SHLD2: variants seen among roughly 807,000 people sequenced by gnomAD.
SHLD2 encodes shieldin complex subunit 2, also known as RINN1-REV7-interacting novel NHEJ regulator 2.
Under a neutral mutation model 73.2 loss-of-function variants are expected in SHLD2, and 30 were observed. That is an observed-to-expected ratio of 0.41 (90% confidence interval 0.31 to 0.56). The LOEUF (loss-of-function observed/expected upper bound fraction) is 0.56. Ranked by LOEUF, SHLD2 falls within the 20% of genes least tolerant of loss-of-function variation. SHLD2 has a pLI of 0.28. For missense variants in SHLD2, 745 were observed against 1,055.9 expected, an observed-to-expected ratio of 0.71 and a Z score of 4.08; for synonymous variants, 285 against 370.1, an observed-to-expected ratio of 0.77 and a Z score of 2.64.
chr10:87,158,827 G>C (rs1846616049), intron 4 of SHLD2, among the ~76,000 whole-genome samples: 1 of 152,162 alleles, frequency 6.6e-6, no homozygotes, highest in Admixed American at 6.5e-5. Context: ...GATAGACCAG[G>C]ATTTGAATAC....
intron 2 of SHLD2, among the ~76,000 whole-genome samples, chr10:87,140,853 G>A (rs1362361747): frequency 6.6e-6 from 1 of 152,084 alleles, no homozygotes; most frequent in Non-Finnish European, 1.5e-5. Flanking sequence ...GCACTTGTCT[G>A]TAATCCCACT....
chr10:87,132,835 G>A (rs1199884299), intron 2 of SHLD2, among the ~76,000 whole-genome samples: 1 of 152,162 alleles, frequency 6.6e-6, no homozygotes, highest in Non-Finnish European at 1.5e-5. Context: ...TGGGGGTATA[G>A]AATCCTATCT....
intron 9 of SHLD2, among the ~76,000 whole-genome samples, chr10:87,188,957 A>T (rs1589686496): frequency 1.4e-5 from 2 of 141,752 alleles, no homozygotes. Context: ...GGCTATTTTC[A>T]TTCCTTTTCT....
chr10:87,162,711 C>CA (rs1056630516), intron 4 of SHLD2, among the ~76,000 whole-genome samples: 17 of 151,516 alleles, frequency 1.1e-4, no homozygotes, highest in Middle Eastern at 3.4e-3. Flanking sequence ...AGTCAGTTTT[C>CA]AAAAAAAGAT....
Position 87,155,617 on chromosome 10 carries a change from A to T in SHLD2, c.1526-2431A>T, listed in dbSNP as rs563686496. On this transcript the variant is annotated intron_variant, in intron 3 of 9. Transcript: ENST00000298786. Reference sequence around the variant, plus strand: ...AAAATTAAGTTTCCCAGACTGTAAAAGAGGGCTGGATCCTGGACCATGGTC... The same window carrying T: ...AAAATTAAGTTTCCCAGACTGTAAATGAGGGCTGGATCCTGGACCATGGTC... Among the ~76,000 whole-genome samples the T allele has an allele frequency of 2.6e-5, 4 of 151,804 alleles. No homozygotes were observed. The East Asian group carries it at 7.7e-4, about 29-fold the overall frequency.
chr10:87,159,366 A>G (rs949196274), intron 4 of SHLD2, among the ~76,000 whole-genome samples: 1 of 152,172 alleles, frequency 6.6e-6, no homozygotes, highest in African/African-American at 2.4e-5. Flanking sequence ...ATATATATTT[A>G]TTATGTGTTG....
intron 8 of SHLD2, among the ~76,000 whole-genome samples, chr10:87,183,712 C>T (rs1270587914): frequency 1.3e-5 from 2 of 152,176 alleles, no homozygotes; most frequent in African/African-American, 2.4e-5. Context: ...CAAAGTTACA[C>T]TTTTGATGTT....
chr10:87,134,023 C>T (rs920676904), intron 2 of SHLD2, among the ~76,000 whole-genome samples: 1 of 152,082 alleles, frequency 6.6e-6, no homozygotes, highest in Non-Finnish European at 1.5e-5. Flanking sequence ...AAGAGTAGAG[C>T]AGGATGAAGG....
Position 87,190,608 on chromosome 10 carries a change from T to C in SHLD2, c.2640T>C (p.Tyr880=), listed in dbSNP as rs564077313. ...QSLFVLDENS[Y]PLQQDFSLLD... is the part of the protein sequence containing the mutation. ...TTTTTGTGTTAGATGAAAACAGCTA[T>C]CCATTACAACAAGATTTCTCCCTCC... The change falls in exon 10 of 10, where the codon TAT becomes TAC. Residue 880 remains tyrosine (Y), a synonymous_variant. Coordinates refer to ENST00000298786, the MANE Select transcript of SHLD2 (RefSeq NM_001330112.2). 1.2e-6 allele frequency: 2 copies of C among 1,611,936 alleles called. No homozygotes were observed. Among genetic ancestry groups the C allele is most frequent in the African/African-American group, 2.7e-5 (2 of 74,964 alleles).
chr10:87,146,539 C>T (rs1845621876), intron 2 of SHLD2, among the ~76,000 whole-genome samples: 1 of 151,824 alleles, frequency 6.6e-6, no homozygotes, highest in South Asian at 2.1e-4. Context: ...AGTGATCTGC[C>T]CACCTTGGCC....
chr10:87,173,306 G>T (rs1405739083), intron 6 of SHLD2, among the ~76,000 whole-genome samples: 2 of 152,054 alleles, frequency 1.3e-5, no homozygotes. Context: ...GGGATTATAG[G>T]CATGAGCCAG....
intron 2 of SHLD2, among the ~76,000 whole-genome samples, chr10:87,144,148 C>T (rs1167900149): frequency 6.6e-6 from 1 of 152,040 alleles, no homozygotes; most frequent in Non-Finnish European, 1.5e-5. Flanking sequence ...CAGGCATGAC[C>T]CACTGCACCT....
At chr10:87,111,286 C>T (rs1016081686) in intron 2 of SHLD2, among the ~76,000 whole-genome samples, 1 of 152,184 alleles carries the variant, frequency 6.6e-6, no homozygotes, top group Admixed American at 6.5e-5. Context: ...CCTCAGCCTT[C>T]TGAGTAGCTG....
chr10:87,128,994 C>T (rs1332824895), intron 2 of SHLD2, among the ~76,000 whole-genome samples: 2 of 152,192 alleles, frequency 1.3e-5, no homozygotes, highest in South Asian at 4.1e-4. Context: ...CAACCTCCGC[C>T]TCCTGGGTTC....
At position 87,168,092 on chromosome 10, in the gene SHLD2, T is replaced by C. The variant is rs572110929; in HGVS notation, c.1634-2386T>C. ...GGGGTTTTCTCAAAGAAGTTAAAACTGAACTATGATTTGACCCAGCAATCC... is the reference window on the plus strand; with the variant it reads ...GGGGTTTTCTCAAAGAAGTTAAAACCGAACTATGATTTGACCCAGCAATCC... On this transcript the variant is annotated intron_variant, in intron 4 of 9. Transcript: ENST00000298786. Among the ~76,000 whole-genome samples, 1,492 of 152,324 alleles carry C rather than the reference T, an allele frequency of 9.8e-3. 12 individuals carry two copies. Among genetic ancestry groups the C allele is most frequent in the Admixed American group, 0.017 (260 of 15,308 alleles).
chr10:87,094,877 C>T (rs1841694710), upstream of SHLD2: 3 of 792,070 alleles, frequency 3.8e-6, no homozygotes, highest in African/African-American at 1.8e-5. The surrounding 1 kb of genome is among the most constrained non-coding windows in gnomAD (Gnocchi z 6.6). Context: ...TTTTAAGCCG[C>T]AGCTTCCTGC....
chr10:87,185,780 A>G (rs1848581233), intron 8 of SHLD2, among the ~76,000 whole-genome samples: 1 of 152,118 alleles, frequency 6.6e-6, no homozygotes, highest in South Asian at 2.1e-4. Flanking sequence ...ATTTTTTGGC[A>G]TGTGGATATC....
At chr10:87,108,189 A>C (rs1842719175) in intron 2 of SHLD2, among the ~76,000 whole-genome samples, 1 of 152,166 alleles carries the variant, frequency 6.6e-6, no homozygotes, top group Admixed American at 6.5e-5. Context: ...AGCTGGGATT[A>C]CAGGCATGCG....
chr10:87,187,068 T>C lies in SHLD2; in HGVS notation c.2400-17T>C. On this transcript the variant is annotated splice_polypyrimidine_tract_variant and intron_variant, in intron 8 of 9. Coordinates refer to ENST00000298786, the MANE Select transcript of SHLD2 (RefSeq NM_001330112.2). ...GAAAATCTTTTTGAAGGTCGTGTGTTGTTTACTCTTTTGTAGGCCAGCGTT... is the reference window on the plus strand; with the variant it reads ...GAAAATCTTTTTGAAGGTCGTGTGTCGTTTACTCTTTTGTAGGCCAGCGTT... The C allele has an allele frequency of 6.7e-7, 1 of 1,494,148 alleles. No individual in the cohort carries two copies. Among genetic ancestry groups the C allele is most frequent in the South Asian group, 1.1e-5 (1 of 88,014 alleles). 92.6% of individuals were successfully genotyped at this position (1,494,148 alleles called of 1,614,324 possible).
Sources: allele counts gnomAD v4.1 joint callset (sites outside exome capture counted in the v4.1 genomes callset), GRCh38; gene constraint gnomAD v4.1.1; non-coding constraint Gnocchi (gnomAD v3.1); transcripts MANE v1.5; gene names NCBI Gene and HGNC (gene_info 2026-07-23, HGNC 2026-07-21).